The following SCGB2B2 variants were observed in gnomAD, a reference collection of about 807,000 sequenced individuals.
SCGB2B2 encodes secretoglobin family 2B member 2.
In SCGB2B2, 11 loss-of-function variants were observed where a neutral mutation model predicts 7.6. That is an observed-to-expected ratio of 1.45 (90% CI 0.91 to 2.40). The LOEUF is 2.40. SCGB2B2 is among the 30% of genes most tolerant of loss of function. SCGB2B2 has a pLI of 0.00. For missense variants in SCGB2B2, 104 were observed against 115.4 expected (o/e 0.90, Z 0.45); for synonymous variants, 50 against 48.6 (o/e 1.03, Z -0.12).
intron 1 of SCGB2B2, among the ~76,000 whole-genome samples, chr19:34,644,411 A>G (rs2066936103): frequency 1.4e-5 from 2 of 145,654 alleles, no homozygotes; most frequent in African/African-American, 5.1e-5. Context: ...AAGTTAAATC[A>G]TTTTAACTTT....
intron 1 of SCGB2B2, among the ~76,000 whole-genome samples, chr19:34,629,424 T>G (rs1352789124): frequency 2.6e-5 from 4 of 151,968 alleles, no homozygotes; most frequent in African/African-American, 9.7e-5. Context: ...CAGCAAAGTC[T>G]CAGGATACAA....
intron 1 of SCGB2B2, among the ~76,000 whole-genome samples, chr19:34,614,802 T>A (rs10409893): frequency 5.3e-5 from 8 of 152,192 alleles, no homozygotes; most frequent in African/African-American, 1.7e-4. Flanking sequence ...CTTGTGCCAG[T>A]TGGCAAGAAA....
chr19:34,589,987 C>T (rs1387446575), downstream of SCGB2B2, among the ~76,000 whole-genome samples: 1 of 152,178 alleles, frequency 6.6e-6, no homozygotes, highest in East Asian at 1.9e-4. Flanking sequence ...TCAGAGTCAA[C>T]AAGGACATAA....
chr19:34,624,674 G>A lies in SCGB2B2; in HGVS notation c.-2031-28080C>T, dbSNP rs138322965. On this transcript the variant is annotated intron_variant, in intron 1 of 3. Transcript: ENST00000601241. ...CTGGAGTTAGTCCAGGAGTCTTCAG[G>A]TAACACCAAGGTGCAGCCTCCGCCA... Among the ~76,000 whole-genome samples, 1,188 of 152,310 alleles carry A rather than the reference G, an allele frequency of 7.8e-3. 13 individuals are homozygous for A. Among genetic ancestry groups the A allele is most frequent in the Admixed American group, 0.011 (162 of 15,302 alleles).
chr19:34,592,776 C>CCTTG lies in SCGB2B2; in HGVS notation c.*778_*779insCAAG, dbSNP rs1452394218. ...GTCATGGTGACATGGCCACACAGACCCATGGCCTCATGCAGATTGCCTGGT... is the reference window on the plus strand; with the variant it reads ...GTCATGGTGACATGGCCACACAGACCCTTGCATGGCCTCATGCAGATTGCCTGGT... On this transcript the variant is annotated 3_prime_UTR_variant, in exon 4 of 4. Transcript: ENST00000601241. 3.3e-5 allele frequency among the ~76,000 whole-genome samples: 5 copies of CCTTG among 152,240 alleles called. No homozygotes were observed. Among genetic ancestry groups the CCTTG allele is most frequent in the Admixed American group, 1.3e-4 (2 of 15,300 alleles).
chr19:34,629,777 T>A (rs2066476650), intron 1 of SCGB2B2, among the ~76,000 whole-genome samples: 1 of 152,032 alleles, frequency 6.6e-6, no homozygotes, highest in African/African-American at 2.4e-5. Flanking sequence ...AAAGTTCATG[T>A]GGAAGCAAAG....
In SCGB2B2 at chr19:34,591,417, G is replaced by A. The variant is rs992454596; in HGVS notation, c.*2138C>T. ...GTCTCCCTCGTGTCTCTCCAGGGCT[G>A]CACTGTGACAAGGCCACGGTGTCTA... On this transcript the variant is annotated 3_prime_UTR_variant, in exon 4 of 4. Coordinates refer to ENST00000601241, the MANE Select transcript of SCGB2B2 (RefSeq NM_001025591.4). Among the ~76,000 whole-genome samples, 1 of 152,196 alleles carries A rather than the reference G, an allele frequency of 6.6e-6. No individual in the cohort carries two copies. The highest frequency in any genetic ancestry group is 1.5e-5 in the Non-Finnish European group (1 of 68,028).
intron 1 of SCGB2B2, chr19:34,645,952 A>C: frequency 3.4e-6 from 1 of 293,818 alleles, no homozygotes; most frequent in South Asian, 3.4e-5. Flanking sequence ...GAGGACCTGA[A>C]GCGGGAGCTT....
chr19:34,656,246 CTGT>C (rs2067279876), intron 1 of SCGB2B2, among the ~76,000 whole-genome samples: 1 of 151,350 alleles, frequency 6.6e-6, no homozygotes, highest in South Asian at 2.1e-4. Context: ...AGGGAAAAAA[CTGT>C]ATGCATATTT....
At chr19:34,661,548 G>A (rs2067457687) in intron 1 of SCGB2B2, among the ~76,000 whole-genome samples, 1 of 152,230 alleles carries the variant, frequency 6.6e-6, no homozygotes, top group South Asian at 2.1e-4. Flanking sequence ...CAAGAACTAA[G>A]TAAAGCTTTA....
Position 34,596,492 on chromosome 19 carries a change from C to A in SCGB2B2, c.-1929G>T, listed in dbSNP as rs1473319319. On this transcript the variant is annotated 5_prime_UTR_variant, in exon 2 of 4. Coordinates refer to ENST00000601241, the MANE Select transcript of SCGB2B2 (RefSeq NM_001025591.4). ...GTGGAATGCGCTGGCAGGATTCCAC[C>A]CACTATGTGGGGTGGAGGGTCTGTG... The A allele has an allele frequency of 6.6e-6, 1 of 152,394 alleles. No homozygotes were observed. Among genetic ancestry groups the A allele is most frequent in the Non-Finnish European group, 1.5e-5 (1 of 68,110 alleles). The allele number at this position is 152,394 out of a possible 1,614,324, so 9.4% of individuals were successfully genotyped here.
intron 1 of SCGB2B2, among the ~76,000 whole-genome samples, chr19:34,662,465 T>C (rs1033178408): frequency 6.6e-6 from 1 of 151,090 alleles, no homozygotes; most frequent in African/African-American, 2.4e-5. Flanking sequence ...TAAAACCATA[T>C]TAAAAATAAC....
At chr19:34,633,151 G>A (rs2066581011) in intron 1 of SCGB2B2, among the ~76,000 whole-genome samples, 1 of 152,176 alleles carries the variant, frequency 6.6e-6, no homozygotes, top group South Asian at 2.1e-4. Flanking sequence ...GTGGCCCTCT[G>A]TGGCACGATG....
chr19:34,663,243 A>G (rs1221978036), intron 1 of SCGB2B2, among the ~76,000 whole-genome samples: 2 of 152,240 alleles, frequency 1.3e-5, no homozygotes, highest in East Asian at 1.9e-4. Flanking sequence ...AAGAATATGA[A>G]TATCTTATCA....
chr19:34,652,522 T>C (rs1347452154), intron 1 of SCGB2B2, among the ~76,000 whole-genome samples: 2 of 151,352 alleles, frequency 1.3e-5, no homozygotes, highest in Admixed American at 1.3e-4. Flanking sequence ...AGATGACACA[T>C]ACATATGGCC....
rs1166020599 is a variant in SCGB2B2 at position 34,593,563 on chromosome 19, C to G, written c.283G>C (p.Ala95Pro). 1.9e-6 allele frequency: 3 copies of G among 1,553,640 alleles called. No individual in the cohort carries two copies. Among genetic ancestry groups the G allele is most frequent in the Non-Finnish European group, 8.7e-7 (1 of 1,147,996 alleles). Residue 95 changes from alanine (A) to proline (P), a missense_variant, in exon 4 of 4, where the codon GCC (alanine) becomes CCC (proline). By Grantham distance (27) the Ala-to-Pro change is conservative. Coordinates refer to ENST00000601241, the MANE Select transcript of SCGB2B2 (RefSeq NM_001025591.4). ...CTGCAGGGGTCCTCAGATCAGAAGG[C>G]TGCTTCTATGCAATCGTTGCTCTGA... ...ILQSNDCIEA[A>P]F
At chr19:34,625,046 C>G (rs905545408) in intron 1 of SCGB2B2, among the ~76,000 whole-genome samples, 1 of 152,200 alleles carries the variant, frequency 6.6e-6, no homozygotes, top group Non-Finnish European at 1.5e-5. Flanking sequence ...TTCTTGTTAT[C>G]TGAGGTATTA....
intron 1 of SCGB2B2, among the ~76,000 whole-genome samples, chr19:34,600,869 A>G (rs2065602494): frequency 1.3e-5 from 2 of 151,890 alleles, no homozygotes; most frequent in African/African-American, 4.8e-5. Context: ...AAGAAGTTTA[A>G]AGTTTACTAT....
intron 1 of SCGB2B2, among the ~76,000 whole-genome samples, chr19:34,612,910 C>T (rs2065972819): frequency 6.6e-6 from 1 of 152,082 alleles, no homozygotes; most frequent in South Asian, 2.1e-4. Flanking sequence ...CCATTTGATC[C>T]CGTATCACTT....
Sources: gnomAD v4.1 joint callset for allele counts (sites outside exome capture counted in the v4.1 genomes callset) on GRCh38, gnomAD v4.1.1 for gene constraint, MANE v1.5 for transcripts, NCBI Gene and HGNC (gene_info 2026-07-23, HGNC 2026-07-21) for gene names.